The following CAMTA1 variants were observed in gnomAD, a reference collection of about 807,000 sequenced individuals.
CAMTA1 encodes calmodulin binding transcription activator 1.
A neutral mutation model predicts 170.9 loss-of-function variants in CAMTA1; 27 were observed. That is an observed-to-expected ratio of 0.16 (90% CI 0.12 to 0.22). The LOEUF is 0.22. CAMTA1 is among the 10% of genes least tolerant of loss of function. The probability of loss-of-function intolerance (pLI) is 1.00; values close to 1 mark genes in which losing one functional copy is unlikely to be tolerated. For synonymous variants in CAMTA1, 833 were observed against 891.5 expected (o/e 0.93, Z 1.17); for missense variants, 1,619 against 2,217.2 (o/e 0.73, Z 5.42).
chr1:7,300,678 C>CAAA lies in CAMTA1; in HGVS notation c.438+51063_438+51065dup, dbSNP rs199680940. Among the ~76,000 whole-genome samples, 4 of 138,340 alleles carry CAAA rather than the reference C, an allele frequency of 2.9e-5. No homozygotes were observed. The highest frequency in any genetic ancestry group is 2.2e-4 in the Admixed American group (3 of 13,806). 90.8% of individuals were successfully genotyped at this position (138,340 alleles called of 152,430 possible). On this transcript the variant is annotated intron_variant, in intron 5 of 22. Transcript: ENST00000303635. This position sits in a 1 kb window ranked among gnomAD's most constrained non-coding sequence, Gnocchi z 4.1. ...GACAACAAAGAGCAAAACTCTGTCT[C>CAAA]AAAAAAAAAAAAATTGTATAGATAT...
chr1:6,901,661 A>G (rs949433365), intron 3 of CAMTA1, among the ~76,000 whole-genome samples: 1 of 152,254 alleles, frequency 6.6e-6, no homozygotes, highest in Non-Finnish European at 1.5e-5. Flanking sequence ...AACCACAATG[A>G]GATGCTGGTA....
intron 4 of CAMTA1, among the ~76,000 whole-genome samples, chr1:7,120,239 T>C (rs1644564124): frequency 6.6e-6 from 1 of 152,202 alleles, no homozygotes; most frequent in Admixed American, 6.5e-5. Flanking sequence ...AGGCCTGGCT[T>C]AGCTGTGTTC....
chr1:6,788,342 T>C (rs959086220), intron 1 of CAMTA1, among the ~76,000 whole-genome samples: 1 of 152,200 alleles, frequency 6.6e-6, no homozygotes, highest in Non-Finnish European at 1.5e-5. Flanking sequence ...GCTCAGAGGC[T>C]CGCTTTGCCT....
intron 3 of CAMTA1, among the ~76,000 whole-genome samples, chr1:7,060,911 T>A (rs1328353048): frequency 6.6e-6 from 1 of 152,258 alleles, no homozygotes; most frequent in African/African-American, 2.4e-5. Flanking sequence ...TCCCTTTGTT[T>A]TTTTGGAACC....
At chr1:7,159,663 T>C (rs1390319846) in intron 4 of CAMTA1, among the ~76,000 whole-genome samples, 1 of 152,088 alleles carries the variant, frequency 6.6e-6, no homozygotes, top group Non-Finnish European at 1.5e-5. Flanking sequence ...CCCACCTCAG[T>C]CTCGCAAGTA....
chr1:7,329,572 AGACCT>A, intron 5 of CAMTA1, among the ~76,000 whole-genome samples: 1 of 152,302 alleles, frequency 6.6e-6, no homozygotes, highest in East Asian at 1.9e-4. Flanking sequence ...CTAGAATCTG[AGACCT>A]GACAGCTGAA....
chr1:7,625,724 T>A (rs1030863986), intron 6 of CAMTA1, among the ~76,000 whole-genome samples: 1 of 152,234 alleles, frequency 6.6e-6, no homozygotes, highest in African/African-American at 2.4e-5. Flanking sequence ...AGATGGGGTC[T>A]GGATGGGCGT....
intron 3 of CAMTA1, among the ~76,000 whole-genome samples, chr1:6,835,350 T>C (rs1652535931): frequency 6.6e-6 from 1 of 152,158 alleles, no homozygotes. Context: ...AGGATAAAAA[T>C]ACCCAGCTCT....
At chr1:7,112,236 C>T (rs540070798) in intron 4 of CAMTA1, among the ~76,000 whole-genome samples, 21 of 152,274 alleles carry the variant, frequency 1.4e-4, no homozygotes, top group African/African-American at 4.8e-4. Flanking sequence ...TTCCTTCAAA[C>T]CCATTCTCTT....
chr1:7,323,310 A>AGATTTCCAT (rs1678735118), intron 5 of CAMTA1, among the ~76,000 whole-genome samples: 1 of 151,700 alleles, frequency 6.6e-6, no homozygotes, highest in Non-Finnish European at 1.5e-5. Flanking sequence ...GGGGAGGAGG[A>AGATTTCCAT]GATTTCCATT....
At chr1:6,899,552 GCGCA>G (rs1553179655) in intron 3 of CAMTA1, among the ~76,000 whole-genome samples, 4,515 of 104,696 alleles carry the variant, frequency 0.043, 83 homozygotes, top group Non-Finnish European at 0.049. Context: ...GCACGCGCGC[GCGCA>G]CACACACACA....
At chr1:7,727,494 G>A (rs2096699114) in intron 11 of CAMTA1, among the ~76,000 whole-genome samples, 1 of 152,180 alleles carries the variant, frequency 6.6e-6, no homozygotes, top group Admixed American at 6.5e-5. Context: ...ACAAAAGAGG[G>A]CAAGGATATT....
At chr1:7,002,643 G>A (rs148133485) in intron 3 of CAMTA1, among the ~76,000 whole-genome samples, 25 of 152,292 alleles carry the variant, frequency 1.6e-4, no homozygotes, top group Non-Finnish European at 2.1e-4. Context: ...CTATCATATC[G>A]CTCCATCCTT....
intron 3 of CAMTA1, among the ~76,000 whole-genome samples, chr1:6,829,303 T>TA (rs1163583104): frequency 3.9e-5 from 6 of 152,262 alleles, no homozygotes; most frequent in African/African-American, 1.4e-4. Context: ...AGGAAGACTC[T>TA]AAGAAGGTAA....
At chr1:7,654,020 AG>A (rs1296004320) in intron 7 of CAMTA1, among the ~76,000 whole-genome samples, 1 of 152,036 alleles carries the variant, frequency 6.6e-6, no homozygotes, top group East Asian at 1.9e-4. Flanking sequence ...GGGTTTGGGG[AG>A]GGCCTGAGAA....
chr1:7,762,877 T>G, intron 22 of CAMTA1, among the ~76,000 whole-genome samples: 1 of 152,190 alleles, frequency 6.6e-6, no homozygotes, highest in Admixed American at 6.5e-5. Context: ...ACCTTAGAAT[T>G]GAGAAAATGT....
intron 4 of CAMTA1, 94 bp downstream of exon 4, chr1:7,091,465 C>T (rs532412932): frequency 2.8e-5 from 27 of 950,454 alleles, no homozygotes; most frequent in African/African-American, 2.4e-4. Context: ...TCATGGGCAA[C>T]GAGTTGAAAA....
intron 5 of CAMTA1, among the ~76,000 whole-genome samples, chr1:7,275,902 C>T (rs1211619464): frequency 3.3e-5 from 5 of 151,888 alleles, no homozygotes; most frequent in Non-Finnish European, 7.4e-5. Context: ...TTTTATGACA[C>T]CAGGATATCT....
At chr1:7,660,628 A>G (rs1315789957) in intron 7 of CAMTA1, among the ~76,000 whole-genome samples, 1 of 152,064 alleles carries the variant, frequency 6.6e-6, no homozygotes, top group Non-Finnish European at 1.5e-5. Flanking sequence ...TTGTCCCCCT[A>G]CCTTCTAGAG....
Sources: gnomAD v4.1 joint callset for allele counts (sites outside exome capture counted in the v4.1 genomes callset) on GRCh38, gnomAD v4.1.1 for gene constraint, Gnocchi (gnomAD v3.1) non-coding constraint, MANE v1.5 for transcripts, NCBI Gene and HGNC (gene_info 2026-07-23, HGNC 2026-07-21) for gene names.